Variants in SLC35F4 observed in about 807,000 individuals in gnomAD.
The protein encoded by SLC35F4 is solute carrier family 35 member F4.
In SLC35F4, 24 loss-of-function variants were observed where a neutral mutation model predicts 44.2. The observed-to-expected ratio is 0.54, with a 90% CI of 0.39 to 0.76. The LOEUF (loss-of-function observed/expected upper bound fraction) is 0.76, where lower values mean the gene tolerates loss of function less well. SLC35F4 is among the 30% of genes least tolerant of loss of function. The pLI is 0.00. For missense variants in SLC35F4, 562 were observed against 586.1 expected, an observed-to-expected ratio of 0.96 and a Z score of 0.42; for synonymous variants, 238 against 223.6, an observed-to-expected ratio of 1.06 and a Z score of -0.57.
intron 1 of SLC35F4, among the ~76,000 whole-genome samples, chr14:57,798,055 G>A (rs1393892020): frequency 7.5e-6 from 1 of 133,904 alleles, no homozygotes; most frequent in Non-Finnish European, 1.5e-5. Context: ...CTTGAACCAA[G>A]CCTGCAGCCT....
chr14:57,917,746 T>C (rs1420341055), intron 1 of SLC35F4, among the ~76,000 whole-genome samples: 1 of 152,206 alleles, frequency 6.6e-6, no homozygotes, highest in Admixed American at 6.5e-5. Context: ...TACATAGGAA[T>C]ATTGCACGAT....
chr14:57,840,833 G>A (rs539760341), intron 1 of SLC35F4, among the ~76,000 whole-genome samples: 1 of 152,246 alleles, frequency 6.6e-6, no homozygotes, highest in East Asian at 1.9e-4. Context: ...TTAAGCCATG[G>A]TTATTAATGT....
intron 1 of SLC35F4, among the ~76,000 whole-genome samples, chr14:57,600,617 G>A (rs918648500): frequency 1.5e-5 from 2 of 136,066 alleles, no homozygotes; most frequent in East Asian, 2.1e-4. Context: ...GCGTGAACCC[G>A]GGAGGCGGAG....
At chr14:57,611,631 C>T (rs915876057) in intron 1 of SLC35F4, among the ~76,000 whole-genome samples, 6 of 151,002 alleles carry the variant, frequency 4.0e-5, no homozygotes, top group Non-Finnish European at 5.9e-5. Context: ...ATCACTTCTA[C>T]GACTGCCAAC....
chr14:57,645,529 G>A (rs914702411), intron 1 of SLC35F4, among the ~76,000 whole-genome samples: 3 of 152,062 alleles, frequency 2.0e-5, no homozygotes, highest in African/African-American at 7.2e-5. Context: ...GGGCTGAGAT[G>A]ATGGGGTTTT....
intron 1 of SLC35F4, among the ~76,000 whole-genome samples, chr14:57,701,307 T>C (rs888415994): frequency 6.6e-6 from 1 of 152,212 alleles, no homozygotes; most frequent in African/African-American, 2.4e-5. Flanking sequence ...TGTCATCTCC[T>C]ATGATAACAA....
chr14:57,936,215 A>G (rs1889792997), intron 1 of SLC35F4, among the ~76,000 whole-genome samples: 1 of 152,240 alleles, frequency 6.6e-6, no homozygotes, highest in Non-Finnish European at 1.5e-5. Context: ...ATAATAATGA[A>G]ACTACAAGTT....
chr14:57,907,270 T>G (rs1889119100), intron 1 of SLC35F4, among the ~76,000 whole-genome samples: 1 of 152,206 alleles, frequency 6.6e-6, no homozygotes, highest in African/African-American at 2.4e-5. Flanking sequence ...GTACACTTTA[T>G]AGACTACAGT....
chr14:57,819,804 C>T (rs1166483041), intron 1 of SLC35F4, among the ~76,000 whole-genome samples: 1 of 143,578 alleles, frequency 7.0e-6, no homozygotes, highest in Non-Finnish European at 1.5e-5. Flanking sequence ...CAGAGCAAGA[C>T]CCCGTCTCAA....
rs182041126 is a variant in SLC35F4 at position 57,677,614 on chromosome 14, T to A, written c.104-83490A>T. On this transcript the variant is annotated intron_variant, in intron 1 of 7. Transcript: ENST00000556826. ...GATAAGACAAAGACATAGATGAACA[T>A]GAAAAGGCAGTCTTTGAAAAACCAT... 1.6e-4 allele frequency among the ~76,000 whole-genome samples: 24 copies of A among 152,068 alleles called. No individual in the cohort carries two copies. The East Asian group carries it at 3.7e-3, about 23-fold the overall frequency.
chr14:57,643,629 T>A (rs1025923461), intron 1 of SLC35F4, among the ~76,000 whole-genome samples: 3 of 152,128 alleles, frequency 2.0e-5, no homozygotes, highest in African/African-American at 4.8e-5. Flanking sequence ...ATTTTATTAT[T>A]GTTATACTTT....
intron 1 of SLC35F4, among the ~76,000 whole-genome samples, chr14:57,922,897 G>C (rs890559701): frequency 4.3e-4 from 66 of 152,374 alleles, no homozygotes; most frequent in African/African-American, 1.5e-3. Context: ...GATGAACTGT[G>C]TTGTCCAGCA....
At chr14:57,754,232 G>A (rs3742582) in intron 1 of SLC35F4, among the ~76,000 whole-genome samples, 45,664 of 150,470 alleles carry the variant, frequency 0.3, 7,018 homozygotes, top group Middle Eastern at 0.37. Context: ...CCTCCCAAGT[G>A]TCTGGGATTA....
At chr14:57,981,072 CA>C (rs1881365269) in intron 1 of SLC35F4, among the ~76,000 whole-genome samples, 1 of 152,160 alleles carries the variant, frequency 6.6e-6, no homozygotes, top group Non-Finnish European at 1.5e-5. Context: ...AGGCTGTTGC[CA>C]AACTTCTGAG....
intron 1 of SLC35F4, among the ~76,000 whole-genome samples, chr14:57,715,498 G>T (rs8012508): frequency 6.6e-6 from 1 of 151,980 alleles, no homozygotes; most frequent in African/African-American, 2.4e-5. Flanking sequence ...GGGCTAGGGT[G>T]TTGTAACCAG....
chr14:57,876,694 TGAA>T (rs930093023), intron 1 of SLC35F4, among the ~76,000 whole-genome samples: 1 of 152,178 alleles, frequency 6.6e-6, no homozygotes, highest in Non-Finnish European at 1.5e-5. Flanking sequence ...GCTTAATAAG[TGAA>T]GAAAAATTCT....
chr14:57,895,453 C>T (rs947033411), intron 1 of SLC35F4, among the ~76,000 whole-genome samples: 5 of 151,954 alleles, frequency 3.3e-5, no homozygotes, highest in Non-Finnish European at 5.9e-5. Context: ...GAAGGAGGGG[C>T]CTGGTCGGAT....
intron 1 of SLC35F4, among the ~76,000 whole-genome samples, chr14:57,913,125 T>A (rs1889249040): frequency 1.3e-5 from 2 of 152,100 alleles, no homozygotes; most frequent in Admixed American, 1.3e-4. Flanking sequence ...TATATCTTTT[T>A]CAATCCCTTT....
At chr14:57,981,533 C>T (rs1881382618) in intron 1 of SLC35F4, among the ~76,000 whole-genome samples, 1 of 152,202 alleles carries the variant, frequency 6.6e-6, no homozygotes, top group South Asian at 2.1e-4. Flanking sequence ...TGACTTCATT[C>T]TCATCTCAAA....
Sources: allele counts gnomAD v4.1 joint callset (sites outside exome capture counted in the v4.1 genomes callset), GRCh38; gene constraint gnomAD v4.1.1; transcripts MANE v1.5; gene names NCBI Gene and HGNC (gene_info 2026-07-23, HGNC 2026-07-21).